The following SMIM12 variants were observed in gnomAD, a reference collection of about 807,000 sequenced individuals.
The protein encoded by SMIM12 is small integral membrane protein 12.
SMIM12 carries 5 observed loss-of-function variants against 6.3 expected under a neutral mutation model. That is an observed-to-expected ratio of 0.80 (90% CI 0.42 to 1.68). The LOEUF (loss-of-function observed/expected upper bound fraction) is 1.68. Among genes scored for constraint, SMIM12 ranks in the 40% most tolerant of loss-of-function variants. The pLI, the probability that SMIM12 is intolerant of heterozygous loss-of-function variation, is 0.02. For missense variants in SMIM12, 103 were observed against 121.4 expected (o/e 0.85, Z 0.71); for synonymous variants, 51 against 48.0 (o/e 1.06, Z -0.26).
Position 34,852,664 on chromosome 1 carries a change from CTTCATTTT to C in SMIM12, c.*3027_*3034del, listed in dbSNP as rs1571607658. 9.8e-6 allele frequency: 1 copy of C among 101,940 alleles called. No individual in the cohort carries two copies. Among genetic ancestry groups the C allele is most frequent in the East Asian group, 5.7e-4 (1 of 1,744 alleles). The allele number at this position is 101,940 out of a possible 1,614,324, so 6.3% of individuals were successfully genotyped here. ...AAAAAACCCTGAATTTCTAGCATCT[CTTCATTTT>C]TTTTTTTTTACCCCCTCTGGAGCTC... On this transcript the variant is annotated 3_prime_UTR_variant, in exon 2 of 2. Transcript: ENST00000521580.
At position 34,855,216 on chromosome 1, in the gene SMIM12, T is replaced by C. The variant is rs1460240554; in HGVS notation, c.*483A>G. The C allele has an allele frequency of 7.3e-7, 1 of 1,368,640 alleles. No individual in the cohort carries two copies. The highest frequency in any genetic ancestry group is 9.8e-7 in the Non-Finnish European group (1 of 1,022,540). 84.8% of individuals were successfully genotyped at this position (1,368,640 alleles called of 1,614,324 possible). On this transcript the variant is annotated 3_prime_UTR_variant, in exon 2 of 2. Transcript: ENST00000521580. The stretch of plus-strand genomic sequence containing the variant: ...GCTTTCCTTCCTGGGGGAATCCCAT[T>C]CCTGAGCTGACAAGACAGATTTCAG...
intron 1 of SMIM12, chr1:34,859,148 A>C (rs1021162294): frequency 2.6e-5 from 4 of 152,240 alleles, no homozygotes; most frequent in Non-Finnish European, 4.4e-5. Context: ...GTGTCTGAAA[A>C]ACACTGTGAC....
In SMIM12 at chr1:34,855,182, C is replaced by G. The variant is rs113944119; in HGVS notation, c.*517G>C. 5 of 1,367,892 alleles carry G rather than the reference C, an allele frequency of 3.7e-6. No homozygotes were observed. The highest frequency in any genetic ancestry group is 2.9e-5 in the African/African-American group (2 of 67,866). The allele number at this position is 1,367,892 out of a possible 1,614,324, so 84.7% of individuals were successfully genotyped here. On this transcript the variant is annotated 3_prime_UTR_variant, in exon 2 of 2. Coordinates refer to ENST00000521580, the MANE Select transcript of SMIM12 (RefSeq NM_138428.6). ...AGTGAACAGTCTGGGCTTCCCAGAA[C>G]AGAAAAGTGCTTTCCTTCCTGGGGG...
In SMIM12 at chr1:34,853,427, T is replaced by A. The variant is rs1182761839; in HGVS notation, c.*2272A>T. The A allele has an allele frequency of 6.6e-6, 1 of 152,236 alleles. No individual in the cohort carries two copies. The highest frequency in any genetic ancestry group is 2.1e-4 in the South Asian group (1 of 4,832). 9.4% of individuals were successfully genotyped at this position (152,236 alleles called of 1,614,324 possible). Reference sequence around the variant, plus strand: ...CAACGTCTTCAGTGGTAAGATTTAGTAGAAACTCCTAGAGCCCTTTTGGAA... The same window carrying A: ...CAACGTCTTCAGTGGTAAGATTTAGAAGAAACTCCTAGAGCCCTTTTGGAA... On this transcript the variant is annotated 3_prime_UTR_variant, in exon 2 of 2. Coordinates refer to ENST00000521580, the MANE Select transcript of SMIM12 (RefSeq NM_138428.6).
Position 34,855,629 on chromosome 1 carries a change from G to C in SMIM12, c.*70C>G, listed in dbSNP as rs1638623862. 6.2e-7 allele frequency: 1 copy of C among 1,613,898 alleles called. No individual in the cohort carries two copies. The highest frequency in any genetic ancestry group is 1.3e-5 in the African/African-American group (1 of 74,936). ...ACAAAGCCAATTAGATGTGGGTTCT[G>C]GGGCTCTGTCAACATGGTAGCAGGA... On this transcript the variant is annotated 3_prime_UTR_variant, in exon 2 of 2. Transcript: ENST00000521580.
chr1:34,854,009 A>AAC lies in SMIM12; in HGVS notation c.*1689_*1690insGT, dbSNP rs67992895. The AAC allele has an allele frequency of 0.038, 4,824 of 125,730 alleles. 123 individuals carry two copies. The highest frequency in any genetic ancestry group is 0.086 in the South Asian group (371 of 4,324). 7.8% of individuals were successfully genotyped at this position (125,730 alleles called of 1,614,324 possible). On this transcript the variant is annotated 3_prime_UTR_variant, in exon 2 of 2. Transcript: ENST00000521580. ...AAAACAACAACAACAACAACAACAA[A>AAC]AAAAAACTACAGACTGCCAGGCACG...
chr1:34,850,921 G>C lies in SMIM12; in HGVS notation c.*4778C>G, dbSNP rs1640916184. 6.6e-6 allele frequency: 1 copy of C among 152,204 alleles called. No homozygotes were observed. The highest frequency in any genetic ancestry group is 1.5e-5 in the Non-Finnish European group (1 of 68,050). 9.4% of individuals were successfully genotyped at this position (152,204 alleles called of 1,614,324 possible). A position where few individuals can be genotyped will look rare whatever the true frequency, so the allele number is the denominator to read the frequency against. On this transcript the variant is annotated 3_prime_UTR_variant, in exon 2 of 2. Coordinates refer to ENST00000521580, the MANE Select transcript of SMIM12 (RefSeq NM_138428.6). ...GAGCCTGCAATCTCCTGACCAGCTT[G>C]TGCTTCTTGGTTCTTATGCAAGCCA...
In SMIM12 at chr1:34,855,249, G is replaced by A. The variant is rs748227058; in HGVS notation, c.*450C>T. 1 of 1,370,242 alleles carries A rather than the reference G, an allele frequency of 7.3e-7. No homozygotes were observed. The highest frequency in any genetic ancestry group is 9.8e-7 in the Non-Finnish European group (1 of 1,023,656). The allele number at this position is 1,370,242 out of a possible 1,614,324, so 84.9% of individuals were successfully genotyped here. A position where few individuals can be genotyped will look rare whatever the true frequency, so the allele number is the denominator to read the frequency against. Reference sequence around the variant, plus strand: ...TGACAAGACAGATTTCAGTAAGAATGAGCACAAAGGATAGGGCAAAATAGT... The same window carrying A: ...TGACAAGACAGATTTCAGTAAGAATAAGCACAAAGGATAGGGCAAAATAGT... On this transcript the variant is annotated 3_prime_UTR_variant, in exon 2 of 2. Coordinates refer to ENST00000521580, the MANE Select transcript of SMIM12 (RefSeq NM_138428.6).
In SMIM12 at chr1:34,853,005, T is replaced by C. The variant is rs1268260254; in HGVS notation, c.*2694A>G. Reference sequence around the variant, plus strand: ...GGTAGCTGACAGTCTCTTCCCAAGTTCCATCCGATTTGTTCCCTGGGAAGC... The same window carrying C: ...GGTAGCTGACAGTCTCTTCCCAAGTCCCATCCGATTTGTTCCCTGGGAAGC... On this transcript the variant is annotated 3_prime_UTR_variant, in exon 2 of 2. Transcript: ENST00000521580. The C allele has an allele frequency of 6.6e-6, 1 of 152,278 alleles. No homozygotes were observed. Among genetic ancestry groups the C allele is most frequent in the Non-Finnish European group, 1.5e-5 (1 of 68,104 alleles). The allele number at this position is 152,278 out of a possible 1,614,324, so 9.4% of individuals were successfully genotyped here.
rs1166227095 is a variant in SMIM12, at chr1:34,850,473, C to G, written c.*5226G>C. Among the ~76,000 whole-genome samples, 5 of 152,208 alleles carry G rather than the reference C, an allele frequency of 3.3e-5. No individual in the cohort carries two copies. The highest frequency in any genetic ancestry group is 5.9e-5 in the Non-Finnish European group (4 of 68,038). ...CGGTTACTAATTACTCTTCACTCTTCAAACTGATTCCCCTAAAGACTTCTA... is the reference window on the plus strand; with the variant it reads ...CGGTTACTAATTACTCTTCACTCTTGAAACTGATTCCCCTAAAGACTTCTA... On this transcript the variant is annotated 3_prime_UTR_variant, in exon 2 of 2. Coordinates refer to ENST00000521580, the MANE Select transcript of SMIM12 (RefSeq NM_138428.6).
At chr1:34,857,454 C>G (rs1045123580) in intron 1 of SMIM12, 5 of 152,180 alleles carry the variant, frequency 3.3e-5, no homozygotes, top group Non-Finnish European at 4.4e-5. Context: ...CACTTACATG[C>G]CAGGCCTTGG....
chr1:34,856,081 C>CA lies in SMIM12; in HGVS notation c.-5-100dup, dbSNP rs1187439340. 206 of 1,016,732 alleles carry CA rather than the reference C, an allele frequency of 2.0e-4. No individual in the cohort carries two copies. In the African/African-American group the frequency reaches 5.3e-3, roughly 26 times the overall value. 63.0% of individuals were successfully genotyped at this position (1,016,732 alleles called of 1,614,324 possible). On this transcript the variant is annotated intron_variant, in intron 1 of 1. Transcript: ENST00000521580. ...TCTCCACTTACCAGGCAGCCTGGCA[C>CA]AATTTTTTTTTTTTTTTGAGACGGA...
chr1:34,856,057 C>T, intron 1 of SMIM12, 75 bp from the exon 2 acceptor site: 1 of 1,420,228 alleles, frequency 7.0e-7, no homozygotes, highest in Non-Finnish European at 9.3e-7. Flanking sequence ...CACTAGAGCT[C>T]TCCACTTACC....
intron 1 of SMIM12, chr1:34,856,880 T>C (rs980020660): frequency 2.6e-5 from 4 of 152,210 alleles, no homozygotes; most frequent in African/African-American, 7.2e-5. Context: ...ACCTATACTT[T>C]ACAAATCTGC....
chr1:34,856,980 A>G (rs368349306), intron 1 of SMIM12, among the ~76,000 whole-genome samples: 2 of 151,988 alleles, frequency 1.3e-5, no homozygotes, highest in African/African-American at 2.4e-5. Context: ...TGTAATCCCC[A>G]TTACTCAGGA....
At position 34,855,111 on chromosome 1, in the gene SMIM12, C is replaced by A; in HGVS notation, c.*588G>T. The A allele has an allele frequency of 7.5e-7, 1 of 1,329,130 alleles. No homozygotes were observed. The highest frequency in any genetic ancestry group is 1.0e-6 in the Non-Finnish European group (1 of 1,002,110). The allele number at this position is 1,329,130 out of a possible 1,614,324, so 82.3% of individuals were successfully genotyped here. A position where few individuals can be genotyped will look rare whatever the true frequency, so the allele number is the denominator to read the frequency against. ...CAGTGATGGGGGTAGAAGATGGTGACTGTTTTCAAGCAAATTCACGAGGCA... is the reference window on the plus strand; with the variant it reads ...CAGTGATGGGGGTAGAAGATGGTGAATGTTTTCAAGCAAATTCACGAGGCA... On this transcript the variant is annotated 3_prime_UTR_variant, in exon 2 of 2. Coordinates refer to ENST00000521580, the MANE Select transcript of SMIM12 (RefSeq NM_138428.6).
Position 34,854,990 on chromosome 1 carries a change from T to C in SMIM12, c.*709A>G, listed in dbSNP as rs1638592078. 4.3e-6 allele frequency: 5 copies of C among 1,159,686 alleles called. No individual in the cohort carries two copies. The highest frequency in any genetic ancestry group is 5.6e-6 in the Non-Finnish European group (5 of 886,568). The allele number at this position is 1,159,686 out of a possible 1,614,324, so 71.8% of individuals were successfully genotyped here. The stretch of plus-strand genomic sequence containing the variant: ...TATCCTGCTCTAAAATGCCTGTACT[T>C]GCCTAACTCCTAAGAAGACCCCCAA... On this transcript the variant is annotated 3_prime_UTR_variant, in exon 2 of 2. Transcript: ENST00000521580.
intron 1 of SMIM12, chr1:34,858,801 A>G (rs1483448285): frequency 1.3e-5 from 2 of 152,224 alleles, no homozygotes; most frequent in African/African-American, 4.8e-5. Flanking sequence ...TTCGACACTT[A>G]TAACCACTTA....
At chr1:34,857,130 A>G (rs1464362061) in intron 1 of SMIM12, 1 of 151,952 alleles carries the variant, frequency 6.6e-6, no homozygotes, top group Non-Finnish European at 1.5e-5. Flanking sequence ...AACCAAACCC[A>G]TACCTTCATA....
Sources: allele counts gnomAD v4.1 joint callset (sites outside exome capture counted in the v4.1 genomes callset), GRCh38; gene constraint gnomAD v4.1.1; transcripts MANE v1.5; gene names NCBI Gene and HGNC (gene_info 2026-07-23, HGNC 2026-07-21).